Variants in ATRNL1 observed in about 807,000 individuals in gnomAD.
The protein encoded by ATRNL1 is attractin-like protein 1.
A neutral mutation model predicts 182.7 loss-of-function variants in ATRNL1; 95 were observed. The observed-to-expected ratio is 0.52, with a 90% CI of 0.44 to 0.62. ATRNL1 has a LOEUF of 0.62. Ranked by LOEUF, ATRNL1 falls within the 20% of genes least tolerant of loss-of-function variation. ATRNL1 has a pLI of 0.00. For synonymous variants in ATRNL1, 576 were observed against 568.3 expected (o/e 1.01, Z -0.19); for missense variants, 1,471 against 1,679.5 (o/e 0.88, Z 2.17).
At position 115,093,655 on chromosome 10, in the gene ATRNL1, G is replaced by A; in HGVS notation, c.-96G>A. Reference sequence around the variant, plus strand: ...GGCGCCGGTGAGGAGGAGGAGAAGCGGCGGCGGAGAGGTTTTCTGCGGCCG... The same window carrying A: ...GGCGCCGGTGAGGAGGAGGAGAAGCAGCGGCGGAGAGGTTTTCTGCGGCCG... On this transcript the variant is annotated 5_prime_UTR_variant, in exon 1 of 29. Coordinates refer to ENST00000355044, the MANE Select transcript of ATRNL1 (RefSeq NM_207303.4). This position sits in a 1 kb window ranked among gnomAD's most constrained non-coding sequence, Gnocchi z 6.1. The A allele has an allele frequency of 7.5e-7, 1 of 1,325,774 alleles. No individual in the cohort carries two copies. The highest frequency in any genetic ancestry group is 1.0e-6 in the Non-Finnish European group (1 of 970,586). The allele number at this position is 1,325,774 out of a possible 1,614,324, so 82.1% of individuals were successfully genotyped here.
At chr10:115,192,658 TTAATC>T (rs1848212749) in intron 8 of ATRNL1, among the ~76,000 whole-genome samples, 1 of 152,106 alleles carries the variant, frequency 6.6e-6, no homozygotes, top group Non-Finnish European at 1.5e-5. Flanking sequence ...GGCATTATGT[TTAATC>T]TATAGAACCT....
At chr10:115,438,471 T>C (rs1349319919) in intron 21 of ATRNL1, among the ~76,000 whole-genome samples, 1 of 152,030 alleles carries the variant, frequency 6.6e-6, no homozygotes, top group Non-Finnish European at 1.5e-5. Flanking sequence ...TTTTTATGCA[T>C]ATACATTTTA....
intron 19 of ATRNL1, among the ~76,000 whole-genome samples, chr10:115,340,471 C>CTTTTTTTTTTTTTTTTTTTTT (rs1197538123): frequency 4.5e-5 from 4 of 89,592 alleles, no homozygotes; most frequent in African/African-American, 8.8e-5. Flanking sequence ...CTTTTCTTTT[C>CTTTTTTTTTTTTTTTTTTTTT]TTTTCTTTTT....
rs868979195 is a variant in ATRNL1 at position 115,389,562 on chromosome 10, A to G, written c.3176-5097A>G. ...TGTGTATATATATATATATATATATATATATATATATATATATATATATAT... is the reference window on the plus strand; with the variant it reads ...TGTGTATATATATATATATATATATGTATATATATATATATATATATATAT... On this transcript the variant is annotated intron_variant, in intron 19 of 28. Transcript: ENST00000355044. 4.6e-3 allele frequency among the ~76,000 whole-genome samples: 488 copies of G among 107,060 alleles called. 19 individuals carry two copies. Among genetic ancestry groups the G allele is most frequent in the African/African-American group, 0.014 (386 of 28,028 alleles). 70.2% of individuals were successfully genotyped at this position (107,060 alleles called of 152,430 possible). A position where few individuals can be genotyped will look rare whatever the true frequency, so the allele number is the denominator to read the frequency against.
intron 8 of ATRNL1, among the ~76,000 whole-genome samples, chr10:115,173,230 A>C (rs1427417643): frequency 2.0e-5 from 3 of 151,984 alleles, no homozygotes; most frequent in Non-Finnish European, 4.4e-5. Flanking sequence ...CCAACTTTTG[A>C]AATGGGCCCA....
chr10:115,837,933 A>T (rs1375293289), intron 27 of ATRNL1, among the ~76,000 whole-genome samples: 2 of 152,204 alleles, frequency 1.3e-5, no homozygotes, highest in Non-Finnish European at 2.9e-5. Context: ...GACTTTTAAA[A>T]ATTGCATTTG....
intron 27 of ATRNL1, among the ~76,000 whole-genome samples, chr10:115,805,747 C>G (rs1949907149): frequency 6.6e-6 from 1 of 152,116 alleles, no homozygotes; most frequent in African/African-American, 2.4e-5. Flanking sequence ...AAAGTTGTAT[C>G]TGGTATGTTT....
In ATRNL1 at chr10:115,207,365, T is replaced by C. The variant is rs182383635; in HGVS notation, c.1349-8332T>C. On this transcript the variant is annotated intron_variant, in intron 8 of 28. Coordinates refer to ENST00000355044, the MANE Select transcript of ATRNL1 (RefSeq NM_207303.4). ...TCCAGCATCTGTTGTTTCCTGACTT[T>C]TTAATGATCGCCGTTCTAACTGGCA... 5.0e-3 allele frequency among the ~76,000 whole-genome samples: 766 copies of C among 152,270 alleles called. 5 individuals are homozygous for C. Among genetic ancestry groups the C allele is most frequent in the African/African-American group, 0.016 (678 of 41,574 alleles).
intron 18 of ATRNL1, among the ~76,000 whole-genome samples, chr10:115,328,710 T>G (rs1485914028): frequency 3.3e-5 from 5 of 152,184 alleles, no homozygotes; most frequent in Non-Finnish European, 2.9e-5. Context: ...CTTATTTCAC[T>G]TAAGAAAATG....
chr10:115,909,589 G>GT (rs1555115383), intron 28 of ATRNL1: 9 of 134,612 alleles, frequency 6.7e-5, no homozygotes, highest in African/African-American at 3.0e-4. Flanking sequence ...TTAGCTTCAT[G>GT]GTTTTTTTTC....
At chr10:115,221,815 C>A (rs1488030776) in intron 9 of ATRNL1, among the ~76,000 whole-genome samples, 1 of 152,092 alleles carries the variant, frequency 6.6e-6, no homozygotes, top group Non-Finnish European at 1.5e-5. Context: ...TCATCATAAT[C>A]TTTTATTAGA....
intron 10 of ATRNL1, among the ~76,000 whole-genome samples, chr10:115,244,865 G>C (rs1554903708): frequency 6.6e-6 from 1 of 152,088 alleles, no homozygotes; most frequent in African/African-American, 2.4e-5. Flanking sequence ...AAAGATAATA[G>C]AGGATAACAG....
chr10:115,380,564 A>T (rs1857941692), intron 19 of ATRNL1, among the ~76,000 whole-genome samples: 1 of 152,094 alleles, frequency 6.6e-6, no homozygotes, highest in South Asian at 2.1e-4. Context: ...TGGGCAATCA[A>T]TAATCTACTT....
At chr10:115,636,685 A>G (rs182821073) in intron 26 of ATRNL1, among the ~76,000 whole-genome samples, 80 of 148,548 alleles carry the variant, frequency 5.4e-4, no homozygotes, top group African/African-American at 1.9e-3. Flanking sequence ...AGGTTACCAT[A>G]TGGCCCAGAA....
chr10:115,459,124 T>A (rs1474147737), intron 21 of ATRNL1, among the ~76,000 whole-genome samples: 1 of 152,162 alleles, frequency 6.6e-6, no homozygotes, highest in Non-Finnish European at 1.5e-5. Flanking sequence ...TGTCTTTGCT[T>A]TAATCTCTTA....
chr10:115,607,054 G>A (rs903311240), intron 26 of ATRNL1, among the ~76,000 whole-genome samples: 5 of 151,866 alleles, frequency 3.3e-5, no homozygotes, highest in Non-Finnish European at 5.9e-5. Flanking sequence ...TTTACTCAAG[G>A]TCAAAATGAT....
At chr10:115,355,995 C>A (rs542050138) in intron 19 of ATRNL1, among the ~76,000 whole-genome samples, 1 of 152,146 alleles carries the variant, frequency 6.6e-6, no homozygotes, top group East Asian at 1.9e-4. Context: ...CTCTTTTTGG[C>A]ATACTGTGAC....
chr10:115,683,267 A>G (rs1237795164), intron 26 of ATRNL1, among the ~76,000 whole-genome samples: 1 of 152,048 alleles, frequency 6.6e-6, no homozygotes, highest in Non-Finnish European at 1.5e-5. Context: ...AGGTGCAAAC[A>G]TTAACCTTTA....
chr10:115,727,421 C>T, intron 27 of ATRNL1, 66 bp downstream of exon 27: 1 of 1,213,866 alleles, frequency 8.2e-7, no homozygotes, highest in Non-Finnish European at 1.2e-6. Flanking sequence ...CTTCTCTAAT[C>T]TACATCTGCT....
Sources: gnomAD v4.1 joint callset for allele counts (sites outside exome capture counted in the v4.1 genomes callset) on GRCh38, gnomAD v4.1.1 for gene constraint, Gnocchi (gnomAD v3.1) non-coding constraint, MANE v1.5 for transcripts, NCBI Gene and HGNC (gene_info 2026-07-23, HGNC 2026-07-21) for gene names.